FGF14: variants seen among roughly 807,000 people sequenced by gnomAD.
FGF14 encodes fibroblast growth factor 14, also known as fibroblast growth factor homologous factor 4.
In FGF14, 5 loss-of-function variants were observed where a neutral mutation model predicts 25.5. The ratio of observed to expected loss-of-function variants is 0.20; its 90% CI spans 0.10 to 0.41. The LOEUF (loss-of-function observed/expected upper bound fraction) is 0.41. FGF14 is among the 10% of genes least tolerant of loss of function. FGF14 has a pLI of 1.00. For missense variants in FGF14, 222 were observed against 320.1 expected (o/e 0.69, Z 2.34); for synonymous variants, 138 against 118.3 (o/e 1.17, Z -1.08).
At chr13:102,340,365 T>A (rs1348725636) in intron 1 of FGF14, among the ~76,000 whole-genome samples, 1 of 152,072 alleles carries the variant, frequency 6.6e-6, no homozygotes, top group Non-Finnish European at 1.5e-5. Context: ...CATAATAATC[T>A]TGCTTCTCTT....
chr13:102,123,105 G>A (rs1419329702), intron 1 of FGF14, among the ~76,000 whole-genome samples: 1 of 152,094 alleles, frequency 6.6e-6, no homozygotes, highest in African/African-American at 2.4e-5. Context: ...ACAGACGGAT[G>A]GTAAGAATGA....
chr13:102,276,332 C>CGGGT, intron 1 of FGF14, among the ~76,000 whole-genome samples: 1 of 108,462 alleles, frequency 9.2e-6, no homozygotes, highest in African/African-American at 3.7e-5. Context: ...CACACACGTA[C>CGGGT]GTGTGTGTGT....
At chr13:102,399,189 G>T (rs527369343) in intron 1 of FGF14, among the ~76,000 whole-genome samples, 1 of 152,140 alleles carries the variant, frequency 6.6e-6, no homozygotes, top group African/African-American at 2.4e-5. Context: ...TGTGACTCGT[G>T]TATAGGGAGA....
At chr13:102,162,985 T>C (rs1464677779) in intron 1 of FGF14, among the ~76,000 whole-genome samples, 1 of 152,162 alleles carries the variant, frequency 6.6e-6, no homozygotes, top group Non-Finnish European at 1.5e-5. Flanking sequence ...TGGAGAAACC[T>C]ATCTGATTGG....
chr13:102,048,444 G>A (rs2042085650), intron 1 of FGF14, among the ~76,000 whole-genome samples: 1 of 152,130 alleles, frequency 6.6e-6, no homozygotes, highest in Non-Finnish European at 1.5e-5. Flanking sequence ...TGGATTCCAT[G>A]TTTTATGCCC....
intron 3 of FGF14, among the ~76,000 whole-genome samples, chr13:101,824,812 A>G (rs2042323935): frequency 6.6e-6 from 1 of 152,070 alleles, no homozygotes; most frequent in Non-Finnish European, 1.5e-5. Flanking sequence ...TAAGTTGATC[A>G]CCAATGATTT....
At chr13:102,007,373 G>A (rs1489920571) in intron 1 of FGF14, among the ~76,000 whole-genome samples, 1 of 152,208 alleles carries the variant, frequency 6.6e-6, no homozygotes, top group Non-Finnish European at 1.5e-5. Context: ...TCAGCAAGTT[G>A]CATTTTGAGG....
At chr13:101,937,801 T>C (rs1006167601) in intron 1 of FGF14, among the ~76,000 whole-genome samples, 1 of 152,148 alleles carries the variant, frequency 6.6e-6, no homozygotes, top group Admixed American at 6.5e-5. Flanking sequence ...GGTTTCACCA[T>C]GTTGGCCAGG....
At chr13:102,173,473 T>C (rs2048326534) in intron 1 of FGF14, among the ~76,000 whole-genome samples, 1 of 152,160 alleles carries the variant, frequency 6.6e-6, no homozygotes, top group Non-Finnish European at 1.5e-5. Flanking sequence ...AGTCCCACTA[T>C]TGAGTATTAA....
chr13:102,071,324 T>C lies in FGF14; in HGVS notation c.209-196028A>G, dbSNP rs2043144821. 2.0e-5 allele frequency among the ~76,000 whole-genome samples: 3 copies of C among 152,214 alleles called. No individual in the cohort carries two copies. In the South Asian group the frequency reaches 6.2e-4, roughly 31 times the overall value. ...AACTACCGAAGCCATTTTTTCATTA[T>C]ACATATAAATCACAGTAAAATGTGT... On this transcript the variant is annotated intron_variant, in intron 1 of 4. Transcript: ENST00000376131.
At position 101,797,735 on chromosome 13, in the gene FGF14, A is replaced by ATGTGTGTG. The variant is rs1555384521; in HGVS notation, c.409-70933_409-70926dup. On this transcript the variant is annotated intron_variant, in intron 3 of 4. Coordinates refer to ENST00000376143, the MANE Select transcript of FGF14 (RefSeq NM_004115.4). ...TAACTAAAGAGAATGTCATGAATTG[A>ATGTGTGTG]TGTGTGTGTGTGTGTGTGTGTGTGT... Among the ~76,000 whole-genome samples, 74 of 33,990 alleles carry ATGTGTGTG rather than the reference A, an allele frequency of 2.2e-3. 1 individual carries two copies. The highest frequency in any genetic ancestry group is 3.8e-3 in the African/African-American group (71 of 18,504). The allele number at this position is 33,990 out of a possible 152,430, so 22.3% of individuals were successfully genotyped here.
intron 3 of FGF14, among the ~76,000 whole-genome samples, chr13:101,787,913 C>A (rs1175972331): frequency 6.6e-6 from 1 of 152,084 alleles, no homozygotes; most frequent in East Asian, 1.9e-4. Context: ...CTCTTATTGC[C>A]CAGGCTAGGG....
At position 101,916,536 on chromosome 13, in the gene FGF14, C is replaced by T. The variant is rs146302373; in HGVS notation, c.110G>A (p.Arg37His). ...CACCAGGTTGCCGTTGCAGAGCCCGCGGTTCTTGCTGGGGCTGCTCCGCCT... is the reference window on the plus strand; with the variant it reads ...CACCAGGTTGCCGTTGCAGAGCCCGTGGTTCTTGCTGGGGCTGCTCCGCCT... ...SRRRSSPSKN[R>H]GLCNGNLVDI... is the part of the protein sequence containing the mutation. Residue 37 changes from arginine (R) to histidine (H), a missense_variant, in exon 1 of 5, where the codon CGC becomes CAC. Arg to His is a conservative substitution (Grantham distance 29). Coordinates refer to ENST00000376143, the MANE Select transcript of FGF14 (RefSeq NM_004115.4). The T allele has an allele frequency of 2.2e-5, 35 of 1,613,690 alleles. No individual in the cohort carries two copies. Among genetic ancestry groups the T allele is most frequent in the South Asian group, 8.8e-5 (8 of 91,084 alleles).
chr13:102,129,369 T>C (rs763583667), intron 1 of FGF14, among the ~76,000 whole-genome samples: 6 of 152,212 alleles, frequency 3.9e-5, no homozygotes, highest in Non-Finnish European at 7.3e-5. Context: ...AGTTCATTAA[T>C]AAATTTGATG....
intron 1 of FGF14, among the ~76,000 whole-genome samples, chr13:102,323,238 T>C (rs930071058): frequency 3.3e-5 from 5 of 152,202 alleles, no homozygotes; most frequent in African/African-American, 1.2e-4. Flanking sequence ...TTTGAGACCT[T>C]TTAAGCTGCA....
At chr13:102,335,878 T>C (rs2056774762) in intron 1 of FGF14, among the ~76,000 whole-genome samples, 1 of 152,194 alleles carries the variant, frequency 6.6e-6, no homozygotes, top group African/African-American at 2.4e-5. Flanking sequence ...TGATCTTTGA[T>C]GTTACTATTG....
upstream of FGF14, among the ~76,000 whole-genome samples, chr13:101,920,282 G>C (rs1355326841): frequency 6.6e-6 from 1 of 152,150 alleles, no homozygotes; most frequent in Non-Finnish European, 1.5e-5. Flanking sequence ...GTTATAAAGA[G>C]GAAAATAAAG....
At position 102,072,537 on chromosome 13, in the gene FGF14, A is replaced by G. The variant is rs147524296; in HGVS notation, c.209-197241T>C. Among the ~76,000 whole-genome samples, 1,222 of 152,328 alleles carry G rather than the reference A, an allele frequency of 8.0e-3. 11 individuals are homozygous for G. The highest frequency in any genetic ancestry group is 0.014 in the Admixed American group (218 of 15,302). Reference sequence around the variant, plus strand: ...CTACAAGTTCTTAACAAATTTAATGATAGCCCTTCCCAAAATTCTACCAAC... The same window carrying G: ...CTACAAGTTCTTAACAAATTTAATGGTAGCCCTTCCCAAAATTCTACCAAC... On this transcript the variant is annotated intron_variant, in intron 1 of 4. Transcript: ENST00000376131.
In FGF14 at chr13:101,821,301, CT is replaced by C. The variant is rs1263789318; in HGVS notation, c.408+47423del. Among the ~76,000 whole-genome samples the C allele has an allele frequency of 2.0e-5, 3 of 152,096 alleles. No individual in the cohort carries two copies. In the East Asian group the frequency reaches 5.8e-4, roughly 29 times the overall value. ...ACATATTGATCGTGCAGCATTTATT[CT>C]TTTGTGTCTGGTTTCTTTTTCTCCT... is the stretch of plus-strand genomic sequence containing the variant. On this transcript the variant is annotated intron_variant, in intron 3 of 4. Transcript: ENST00000376143.
Sources: allele counts gnomAD v4.1 joint callset (sites outside exome capture counted in the v4.1 genomes callset), GRCh38; gene constraint gnomAD v4.1.1; transcripts MANE v1.5; gene names NCBI Gene and HGNC (gene_info 2026-07-23, HGNC 2026-07-21).